Variants in STEAP2 observed in about 807,000 individuals in gnomAD.
STEAP2 encodes the protein metalloreductase STEAP2.
Under a neutral mutation model 46.4 loss-of-function variants are expected in STEAP2, and 30 were observed. The ratio of observed to expected loss-of-function variants is 0.65; its 90% CI spans 0.48 to 0.88. The LOEUF is 0.88. STEAP2 is among the 40% of genes least tolerant of loss of function. STEAP2 has a pLI of 0.00. For synonymous variants in STEAP2, 180 were observed against 200.5 expected, an observed-to-expected ratio of 0.90 and a Z score of 0.86; for missense variants, 513 against 579.3, an observed-to-expected ratio of 0.89 and a Z score of 1.18.
chr7:90,231,848 A>G (rs1482114616), intron 5 of STEAP2, among the ~76,000 whole-genome samples: 2 of 152,054 alleles, frequency 1.3e-5, no homozygotes, highest in African/African-American at 4.8e-5. Context: ...GAAAAGCTAG[A>G]TGTTTTGACC....
intron 2 of STEAP2, among the ~76,000 whole-genome samples, chr7:90,217,603 G>A (rs1795075026): frequency 6.7e-6 from 1 of 150,040 alleles, no homozygotes; most frequent in South Asian, 2.1e-4. Context: ...ATTTTTTAAG[G>A]CTGAATAATA....
rs1431414253 is a variant in STEAP2, at chr7:90,233,757, T to C, written c.*1133T>C. ...TTCCAGAGGCCACGGTTTTAACCAC[T>C]AGGCTCTAGAGCTCCCGCCGCGCCC... On this transcript the variant is annotated 3_prime_UTR_variant, in exon 6 of 6. Transcript: ENST00000394621. 2.0e-6 allele frequency: 2 copies of C among 985,380 alleles called. No individual in the cohort carries two copies. The highest frequency in any genetic ancestry group is 2.4e-6 in the Non-Finnish European group (2 of 829,898). 61.0% of individuals were successfully genotyped at this position (985,380 alleles called of 1,614,324 possible). A position where few individuals can be genotyped will look rare whatever the true frequency, so the allele number is the denominator to read the frequency against.
intron 4 of STEAP2, among the ~76,000 whole-genome samples, chr7:90,227,902 G>A (rs1357512685): frequency 6.6e-6 from 1 of 152,024 alleles, no homozygotes; most frequent in Non-Finnish European, 1.5e-5. Context: ...ATACAAAACA[G>A]AACAGGAAGA....
At chr7:90,217,063 A>G (rs376121951) in intron 2 of STEAP2, among the ~76,000 whole-genome samples, 2 of 152,232 alleles carry the variant, frequency 1.3e-5, no homozygotes, top group East Asian at 1.9e-4. Context: ...CTCACTGGCC[A>G]GTTTTCAGAA....
intron 2 of STEAP2, among the ~76,000 whole-genome samples, chr7:90,222,712 A>G (rs1240161011): frequency 6.6e-6 from 1 of 152,186 alleles, no homozygotes; most frequent in African/African-American, 2.4e-5. Flanking sequence ...ATTAAGTAAT[A>G]TTACTATAAT....
rs1795553860 is a variant in STEAP2 at position 90,227,518 on chromosome 7, T to C, written c.1020+20T>C. On this transcript the variant is annotated intron_variant, in intron 4 of 5. Transcript: ENST00000394621. ...CAGCAGGTACTGAATGTGCTTGTTA[T>C]TTATCTGATGCTAGTAAAATACTTT... 3 of 1,517,208 alleles carry C rather than the reference T, an allele frequency of 2.0e-6. No individual in the cohort carries two copies. Among genetic ancestry groups the C allele is most frequent in the Non-Finnish European group, 2.7e-6 (3 of 1,131,698 alleles). The allele number at this position is 1,517,208 out of a possible 1,614,324, so 94.0% of individuals were successfully genotyped here.
chr7:90,234,743 C>T lies in STEAP2; in HGVS notation c.*2119C>T, dbSNP rs1231655213. On this transcript the variant is annotated 3_prime_UTR_variant, in exon 6 of 6. Coordinates refer to ENST00000394621, the MANE Select transcript of STEAP2 (RefSeq NM_001244944.2). ...TTTCTTTTTGTATTTTTAGTAGAGA[C>T]GGAGTTTCACCGTGTTAGCCAGGAT... 9.9e-6 allele frequency: 5 copies of T among 505,982 alleles called. No individual in the cohort carries two copies. The highest frequency in any genetic ancestry group is 8.6e-5 in the South Asian group (1 of 11,690). 31.3% of individuals were successfully genotyped at this position (505,982 alleles called of 1,614,324 possible).
chr7:90,220,061 A>G (rs2116209759), intron 2 of STEAP2, among the ~76,000 whole-genome samples: 1 of 152,210 alleles, frequency 6.6e-6, no homozygotes, highest in African/African-American at 2.4e-5. Context: ...GAGTTTTTGT[A>G]TCTGTGCTCA....
At chr7:90,223,160 C>T (rs981459800) in intron 2 of STEAP2, among the ~76,000 whole-genome samples, 9 of 152,104 alleles carry the variant, frequency 5.9e-5, no homozygotes, top group African/African-American at 1.9e-4. Context: ...GTCCAAAGGG[C>T]GTGGGTGGAT....
At position 90,234,682 on chromosome 7, in the gene STEAP2, C is replaced by T; in HGVS notation, c.*2058C>T. 1 of 493,356 alleles carries T rather than the reference C, an allele frequency of 2.0e-6. No homozygotes were observed. The highest frequency in any genetic ancestry group is 2.6e-6 in the Non-Finnish European group (1 of 381,028). 30.6% of individuals were successfully genotyped at this position (493,356 alleles called of 1,614,324 possible). ...TCTCCTGCCTCAGCCTCCCGAGTAG[C>T]TGGGACTACAGGTGCCCGCCACCAT... On this transcript the variant is annotated 3_prime_UTR_variant, in exon 6 of 6. Coordinates refer to ENST00000394621, the MANE Select transcript of STEAP2 (RefSeq NM_001244944.2).
At chr7:90,212,651 A>T (rs972571174) in intron 1 of STEAP2, among the ~76,000 whole-genome samples, 3 of 152,214 alleles carry the variant, frequency 2.0e-5, no homozygotes, top group Non-Finnish European at 4.4e-5. Flanking sequence ...AGAGAGATAA[A>T]GAGCATTTTT....
At chr7:90,223,399 G>C (rs1471415532) in intron 2 of STEAP2, among the ~76,000 whole-genome samples, 2 of 152,220 alleles carry the variant, frequency 1.3e-5, no homozygotes, top group African/African-American at 2.4e-5. Context: ...TGCAAAGACA[G>C]ACAGCTCTGA....
chr7:90,214,328 G>A (rs1207644835), intron 1 of STEAP2, among the ~76,000 whole-genome samples: 2 of 152,184 alleles, frequency 1.3e-5, no homozygotes, highest in South Asian at 2.1e-4. Flanking sequence ...ATTTCCAGGC[G>A]AATGGGACCA....
chr7:90,243,359 T>C, the STEAP2 span, among the ~76,000 whole-genome samples: 1 of 152,354 alleles, frequency 6.6e-6, no homozygotes, highest in East Asian at 1.9e-4. Context: ...TGAATAATTT[T>C]TGAAAGTTTA....
At chr7:90,216,428 A>G (rs1795017677) in intron 1 of STEAP2, 63 bp from the exon 2 acceptor site, 1 of 152,196 alleles carries the variant, frequency 6.6e-6, no homozygotes, top group Non-Finnish European at 1.5e-5. Flanking sequence ...TTATGAAACA[A>G]CAGGAACAAA....
downstream of STEAP2, among the ~76,000 whole-genome samples, chr7:90,242,385 C>T (rs533339091): frequency 6.6e-6 from 1 of 152,284 alleles, no homozygotes; most frequent in African/African-American, 2.4e-5. Context: ...GCTTAAAGAC[C>T]CTTATCAGCT....
intron 2 of STEAP2, among the ~76,000 whole-genome samples, chr7:90,223,587 G>T (rs1453356559): frequency 6.6e-6 from 1 of 152,156 alleles, no homozygotes; most frequent in East Asian, 1.9e-4. Context: ...TTATATGCTT[G>T]CGCTCTGAAC....
Position 90,235,810 on chromosome 7 carries a change from T to C in STEAP2, c.*3186T>C. 1.3e-6 allele frequency: 1 copy of C among 747,376 alleles called. No homozygotes were observed. Among genetic ancestry groups the C allele is most frequent in the South Asian group, 6.2e-5 (1 of 16,238 alleles). The allele number at this position is 747,376 out of a possible 1,614,324, so 46.3% of individuals were successfully genotyped here. On this transcript the variant is annotated 3_prime_UTR_variant, in exon 6 of 6. Coordinates refer to ENST00000394621, the MANE Select transcript of STEAP2 (RefSeq NM_001244944.2). Reference sequence around the variant, plus strand: ...GGAAATTTAGCCCAGATTGTCTACATATAAGGTTTTTATTTGAATTGTAAA... The same window carrying C: ...GGAAATTTAGCCCAGATTGTCTACACATAAGGTTTTTATTTGAATTGTAAA...
chr7:90,227,441 C>G lies in STEAP2; in HGVS notation c.963C>G (p.Leu321=). Residue 321 remains leucine, a synonymous_variant, in exon 4 of 6, where the codon CTC becomes CTG. Coordinates refer to ENST00000394621, the MANE Select transcript of STEAP2 (RefSeq NM_001244944.2). The part of the protein sequence containing the change: ...FFAMVHVAYS[L]CLPMRRSERY... ...CTATGGTCCATGTTGCCTACAGCCT[C>G]TGCTTACCGATGAGAAGGTCAGAGA... The G allele has an allele frequency of 6.2e-7, 1 of 1,605,438 alleles. No homozygotes were observed. Among genetic ancestry groups the G allele is most frequent in the Non-Finnish European group, 8.5e-7 (1 of 1,172,846 alleles).
Sources: gnomAD v4.1 joint callset for allele counts (sites outside exome capture counted in the v4.1 genomes callset) on GRCh38, gnomAD v4.1.1 for gene constraint, MANE v1.5 for transcripts, NCBI Gene and HGNC (gene_info 2026-07-23, HGNC 2026-07-21) for gene names.